Variants in MRPL52 observed in about 807,000 individuals in gnomAD.
MRPL52 encodes large ribosomal subunit protein mL52.
MRPL52 carries 19 observed loss-of-function variants against 22.1 expected under a neutral mutation model. The observed-to-expected ratio is 0.86, with a 90% confidence interval of 0.60 to 1.26. The LOEUF is 1.26. Among genes scored for constraint, MRPL52 ranks in the 50% most tolerant of loss-of-function variants. MRPL52 has a pLI of 0.00. For synonymous variants in MRPL52, 50 were observed against 57.5 expected, an observed-to-expected ratio of 0.87 and a Z score of 0.59; for missense variants, 152 against 148.1, an observed-to-expected ratio of 1.03 and a Z score of -0.14.
In MRPL52 at chr14:22,830,590, G is replaced by T. The variant is rs889059055; in HGVS notation, c.154+336G>T. 21 of 417,420 alleles carry T rather than the reference G, an allele frequency of 5.0e-5. 1 individual carries two copies. The highest frequency in any genetic ancestry group is 8.6e-5 in the Non-Finnish European group (20 of 232,842). The allele number at this position is 417,420 out of a possible 1,614,324, so 25.9% of individuals were successfully genotyped here. A position where few individuals can be genotyped will look rare whatever the true frequency, so the allele number is the denominator to read the frequency against. On this transcript the variant is annotated intron_variant, in intron 3 of 4. Coordinates refer to ENST00000397496, the MANE Select transcript of MRPL52 (RefSeq NM_180982.3). ...AGAACCACTTTTCTCTGTGGTTAGT[G>T]AATTTTCAGTATTTGGTACCAAATG... is the stretch of plus-strand genomic sequence containing the variant.
intron 3 of MRPL52, chr14:22,832,101 C>T (rs2138713320): frequency 6.6e-6 from 1 of 152,206 alleles, no homozygotes; most frequent in East Asian, 1.9e-4. Context: ...CAGAAGAGTA[C>T]AGTAAATGTC....
rs747183016 is a variant in MRPL52, at chr14:22,829,932, T to C, written c.20T>C (p.Val7Ala). 1.7e-5 allele frequency: 27 copies of C among 1,590,426 alleles called. No homozygotes were observed. Among genetic ancestry groups the C allele is most frequent in the Non-Finnish European group, 2.1e-5 (25 of 1,167,054 alleles). The change falls in exon 1 of 5, where the codon GTT becomes GCT. Residue 7 changes from valine (V) to alanine (A), a missense_variant. Val to Ala is a moderately conservative substitution (Grantham distance 64, BLOSUM62 0). Coordinates refer to ENST00000397496, the MANE Select transcript of MRPL52 (RefSeq NM_180982.3). ...CTCAGCATGGCTGCTTTAGGGACTGTTCTCTTCAGTGAGTGGGTATAGATA... is the reference window on the plus strand; with the variant it reads ...CTCAGCATGGCTGCTTTAGGGACTGCTCTCTTCAGTGAGTGGGTATAGATA... MAALGT[V>A]LFSVRRLHCS...
intron 3 of MRPL52, chr14:22,830,835 G>C (rs1008742460): frequency 6.6e-6 from 4 of 607,296 alleles, no homozygotes; most frequent in Non-Finnish European, 1.1e-5. Context: ...TAGGAAATTT[G>C]AGGCCTACAG....
Position 22,834,247 on chromosome 14 carries a change from G to C in MRPL52, c.295G>C (p.Glu99Gln), listed in dbSNP as rs1595008704. 3 of 1,614,176 alleles carry C rather than the reference G, an allele frequency of 1.9e-6. No homozygotes were observed. Among genetic ancestry groups the C allele is most frequent in the Non-Finnish European group, 1.7e-6 (2 of 1,180,034 alleles). The change falls in exon 5 of 5, where the codon GAA (glutamate) becomes CAA (glutamine). Residue 99 changes from glutamate to glutamine, a missense_variant. By Grantham distance (29) the Glu-to-Gln change is conservative. Transcript: ENST00000397496. ...GCAGCTCAGGCAGCAGAAGTTGCAG[G>C]AAGAACAAAGGAAGCAGGAAAATGC... Reference protein sequence around the residue: ...AWQLRQQKLQEEQRKQENALK... With the variant: ...AWQLRQQKLQQEQRKQENALK...
Position 22,834,729 on chromosome 14 carries a change from TC to T in MRPL52, c.*411del, listed in dbSNP as rs2138726382. 6.4e-6 allele frequency: 1 copy of T among 156,640 alleles called. No individual in the cohort carries two copies. The highest frequency in any genetic ancestry group is 6.4e-5 in the Admixed American group (1 of 15,590). 9.7% of individuals were successfully genotyped at this position (156,640 alleles called of 1,614,324 possible). On this transcript the variant is annotated 3_prime_UTR_variant, in exon 5 of 5. Transcript: ENST00000397496. ...CGGGCGTGGTGGGGTGCGCTTGTAA[TC>T]CCAGCTACTCAGGAGGCTGAGGCAG...
At chr14:22,833,387 C>T (rs1482125109) in intron 3 of MRPL52, 31 bp from the exon 4 acceptor site, 4 of 1,483,416 alleles carry the variant, frequency 2.7e-6, no homozygotes, top group Non-Finnish European at 3.8e-6. Flanking sequence ...CCATCTCTAA[C>T]ACTTGACTTT....
intron 3 of MRPL52, chr14:22,832,004 C>T (rs2039631588): frequency 1.3e-5 from 2 of 151,898 alleles, no homozygotes. Flanking sequence ...GAGACCTTGT[C>T]TCAAAAATAA....
intron 3 of MRPL52, chr14:22,830,477 A>G: frequency 1.7e-6 from 1 of 583,990 alleles, no homozygotes; most frequent in Non-Finnish European, 3.0e-6. Context: ...GGAGATAAGC[A>G]GAAGATAATT....
rs751490132 is a variant in MRPL52, at chr14:22,834,631, G to A, written c.*310G>A. The A allele has an allele frequency of 1.1e-4, 24 of 219,176 alleles. No homozygotes were observed. Among genetic ancestry groups the A allele is most frequent in the African/African-American group, 2.3e-4 (10 of 43,452 alleles). 13.6% of individuals were successfully genotyped at this position (219,176 alleles called of 1,614,324 possible). ...GGGCAGATCACAAGATCAGGAGTTC[G>A]AGACCAGCCTGGCCAACCCAGCCTG... On this transcript the variant is annotated 3_prime_UTR_variant, in exon 5 of 5. Transcript: ENST00000397496.
At position 22,830,241 on chromosome 14, in the gene MRPL52, CTG is replaced by C. The variant is rs2039574731; in HGVS notation, c.142_143del (p.Trp48ValfsTer20). On this transcript the variant is annotated frameshift_variant, in exon 3 of 5. Transcript: ENST00000397496. LOFTEE classifies it high-confidence loss of function. Reference protein sequence around the residue: ...GYGPLTELPDWSYADGRPAPP... With the variant: ...GYGPLTELPDXSYADGRPAPP... ...ACGGGCCCCTTACCGAGCTCCCAGA[CTG>C]GTCATATGCGGGTAAGCGCTGATCT... The C allele has an allele frequency of 9.9e-6, 16 of 1,614,230 alleles. No homozygotes were observed. Among genetic ancestry groups the C allele is most frequent in the Non-Finnish European group, 1.4e-5 (16 of 1,180,034 alleles).
chr14:22,834,316 C>A lies in MRPL52; in HGVS notation c.364C>A (p.Gln122Lys). The change falls in exon 5 of 5, where the codon CAA becomes AAA. Residue 122 changes from glutamine (Q) to lysine (K), a missense_variant. By Grantham distance (53) the Gln-to-Lys change is moderately conservative (BLOSUM62 1). Transcript: ENST00000397496. ...TTCACTGAAGAGCCCACTTCCAAGTCAATAAAAAGCAACTCCTGCCTCCCT... is the reference window on the plus strand; with the variant it reads ...TTCACTGAAGAGCCCACTTCCAAGTAAATAAAAAGCAACTCCTGCCTCCCT... The part of the protein sequence containing the change: ...GASLKSPLPS[Q>K] 1 of 1,608,088 alleles carries A rather than the reference C, an allele frequency of 6.2e-7. No individual in the cohort carries two copies. Among genetic ancestry groups the A allele is most frequent in the South Asian group, 1.1e-5 (1 of 90,168 alleles).
chr14:22,833,724 C>T (rs1469821384), intron 4 of MRPL52, among the ~76,000 whole-genome samples: 1 of 152,174 alleles, frequency 6.6e-6, no homozygotes, highest in Non-Finnish European at 1.5e-5. Flanking sequence ...CGGGTTCAAG[C>T]GATTCTCCAG....
At chr14:22,830,924 C>T in intron 3 of MRPL52, 6 of 1,377,686 alleles carry the variant, frequency 4.4e-6, no homozygotes, top group Non-Finnish European at 5.0e-6. Context: ...CTTGACAACA[C>T]AGAGATCTGA....
At position 22,830,260 on chromosome 14, in the gene MRPL52, C is replaced by G; in HGVS notation, c.154+6C>G. 1.9e-6 allele frequency: 3 copies of G among 1,614,196 alleles called. No homozygotes were observed. The highest frequency in any genetic ancestry group is 2.5e-6 in the Non-Finnish European group (3 of 1,180,004). On this transcript the variant is annotated splice_donor_region_variant and intron_variant, in intron 3 of 4. Transcript: ENST00000397496. ...CCCAGACTGGTCATATGCGGGTAAGCGCTGATCTGGCAGTTAACTCCACTG... is the reference window on the plus strand; with the variant it reads ...CCCAGACTGGTCATATGCGGGTAAGGGCTGATCTGGCAGTTAACTCCACTG...
chr14:22,830,665 G>A (rs766562240), intron 3 of MRPL52: 10 of 396,314 alleles, frequency 2.5e-5, no homozygotes, highest in Non-Finnish European at 4.5e-5. Context: ...CAGAGGGGTA[G>A]AAGGATGAAG....
chr14:22,832,210 G>C (rs923707433), intron 3 of MRPL52: 1 of 152,240 alleles, frequency 6.6e-6, no homozygotes, highest in Non-Finnish European at 1.5e-5. Flanking sequence ...GTTAGGGTTT[G>C]AGTGGACCTA....
Position 22,834,193 on chromosome 14 carries a change from C to T in MRPL52, c.241C>T (p.Gln81Ter), listed in dbSNP as rs763908309. Residue 81 changes from glutamine (Q) to a stop codon, truncating the protein, a stop_gained, in exon 5 of 5, where the codon CAG becomes TAG. Coordinates refer to ENST00000397496, the MANE Select transcript of MRPL52 (RefSeq NM_180982.3). LOFTEE classifies it high-confidence loss of function. Reference protein sequence around the residue: ...TFARRVVLLSQEMDAGLQAWQ... With the variant: ...TFARRVVLLS ...TCAGAGACGAGTTGTACTGCTGTCA[C>T]AGGAAATGGACGCTGGATTACAAGC... 1 of 1,614,146 alleles carries T rather than the reference C, an allele frequency of 6.2e-7. No individual in the cohort carries two copies. Among genetic ancestry groups the T allele is most frequent in the Non-Finnish European group, 8.5e-7 (1 of 1,180,018 alleles).
At position 22,834,158 on chromosome 14, in the gene MRPL52, CCTGT is replaced by C; in HGVS notation, c.220-9_220-6del. ...TCCCAGATGTTATCCACACTGTTTT[CCTGT>C]CTGTTTCAGAGACGAGTTGTACTGC... On this transcript the variant is annotated splice_polypyrimidine_tract_variant and intron_variant, in intron 4 of 4. Coordinates refer to ENST00000397496, the MANE Select transcript of MRPL52 (RefSeq NM_180982.3). The C allele has an allele frequency of 6.2e-7, 1 of 1,613,420 alleles. No individual in the cohort carries two copies. Among genetic ancestry groups the C allele is most frequent in the Non-Finnish European group, 8.5e-7 (1 of 1,179,732 alleles).
At chr14:22,830,691 C>T in intron 3 of MRPL52, 2 of 396,170 alleles carry the variant, frequency 5.0e-6, no homozygotes, top group East Asian at 9.2e-5. Flanking sequence ...GGATGGCAGG[C>T]TCCCTTCAGA....
Sources: allele counts gnomAD v4.1 joint callset (sites outside exome capture counted in the v4.1 genomes callset), GRCh38; gene constraint gnomAD v4.1.1; transcripts MANE v1.5; gene names NCBI Gene and HGNC (gene_info 2026-07-23, HGNC 2026-07-21).